Variants in FOXK1 observed in about 807,000 individuals in gnomAD.
The protein encoded by FOXK1 is forkhead box protein K1.
In FOXK1, 19 loss-of-function variants were observed where a neutral mutation model predicts 51.9. That is an observed-to-expected ratio of 0.37 (90% confidence interval 0.26 to 0.54). The LOEUF is 0.54. Ranked by LOEUF, FOXK1 falls within the 20% of genes least tolerant of loss-of-function variation. The pLI, the probability that FOXK1 is intolerant of heterozygous loss-of-function variation, is 0.87. For synonymous variants in FOXK1, 537 were observed against 482.6 expected, an observed-to-expected ratio of 1.11 and a Z score of -1.48; for missense variants, 870 against 1,032.7, an observed-to-expected ratio of 0.84 and a Z score of 2.16.
Position 4,722,980 on chromosome 7 carries a change from C to T in FOXK1, c.561-17858C>T, listed in dbSNP as rs1192183599. On this transcript the variant is annotated intron_variant, in intron 1 of 8. Coordinates refer to ENST00000328914, the MANE Select transcript of FOXK1 (RefSeq NM_001037165.2). The surrounding 1 kb of genome is among the most constrained non-coding windows in gnomAD (Gnocchi z 5.1). Reference sequence around the variant, plus strand: ...AACCCCCAGGAGCAGGTGGCCGACGCAGGCACCCTCAGATCTGAGATCCAG... The same window carrying T: ...AACCCCCAGGAGCAGGTGGCCGACGTAGGCACCCTCAGATCTGAGATCCAG... Among the ~76,000 whole-genome samples, 1 of 152,096 alleles carries T rather than the reference C, an allele frequency of 6.6e-6. No homozygotes were observed. Among genetic ancestry groups the T allele is most frequent in the Non-Finnish European group, 1.5e-5 (1 of 68,018 alleles).
In FOXK1 at chr7:4,707,000, C is replaced by T. The variant is rs1485016883; in HGVS notation, c.560+24132C>T. ...CCTTGTGCAGGAAATAACTTACCTACTTCATGCCCTAATTGAATTCCATTG... is the reference window on the plus strand; with the variant it reads ...CCTTGTGCAGGAAATAACTTACCTATTTCATGCCCTAATTGAATTCCATTG... On this transcript the variant is annotated intron_variant, in intron 1 of 8. Coordinates refer to ENST00000328914, the MANE Select transcript of FOXK1 (RefSeq NM_001037165.2). Among the ~76,000 whole-genome samples the T allele has an allele frequency of 3.3e-5, 5 of 152,246 alleles. No homozygotes were observed. The East Asian group carries it at 5.8e-4, about 18-fold the overall frequency.
chr7:4,702,167 C>T (rs1447172024), intron 1 of FOXK1, among the ~76,000 whole-genome samples: 1 of 152,098 alleles, frequency 6.6e-6, no homozygotes, highest in Non-Finnish European at 1.5e-5. Context: ...GTTTTTAAGC[C>T]CTTTTTAAAG....
In FOXK1 at chr7:4,755,067, C is replaced by G; in HGVS notation, c.904-170C>G. 5.3e-6 allele frequency: 4 copies of G among 759,794 alleles called. No individual in the cohort carries two copies. Among genetic ancestry groups the G allele is most frequent in the Non-Finnish European group, 8.1e-6 (4 of 492,684 alleles). The allele number at this position is 759,794 out of a possible 1,614,324, so 47.1% of individuals were successfully genotyped here. On this transcript the variant is annotated intron_variant, in intron 3 of 8. Transcript: ENST00000328914. This position sits in a 1 kb window ranked among gnomAD's most constrained non-coding sequence, Gnocchi z 6.6. ...TTCCCATGAGGCAAAAATGGTTGTT[C>G]CTAGTTGAATGCAAGCACATTAATG...
intron 1 of FOXK1, among the ~76,000 whole-genome samples, chr7:4,739,474 A>G (rs573394597): frequency 5.9e-5 from 9 of 152,276 alleles, no homozygotes; most frequent in African/African-American, 2.2e-4. Context: ...TTGCTGCCTC[A>G]TCAGTTTAGA....
At chr7:4,705,240 G>A (rs1175563366) in intron 1 of FOXK1, among the ~76,000 whole-genome samples, 2 of 150,894 alleles carry the variant, frequency 1.3e-5, no homozygotes, top group African/African-American at 4.9e-5. Context: ...CCAGGCTGGG[G>A]GCAGTGGCAT....
In FOXK1 at chr7:4,683,027, C is replaced by T. The variant is rs373778141; in HGVS notation, c.560+159C>T. 2.3e-5 allele frequency among the ~76,000 whole-genome samples: 3 copies of T among 133,196 alleles called. No individual in the cohort carries two copies. Among genetic ancestry groups the T allele is most frequent in the East Asian group, 5.4e-4 (2 of 3,680 alleles). The allele number at this position is 133,196 out of a possible 152,430, so 87.4% of individuals were successfully genotyped here. On this transcript the variant is annotated intron_variant, in intron 1 of 8. Coordinates refer to ENST00000328914, the MANE Select transcript of FOXK1 (RefSeq NM_001037165.2). The surrounding 1 kb of genome is among the most constrained non-coding windows in gnomAD (Gnocchi z 4.5). ...CCCCGACCGGCCTGGACTCCGGGGT[C>T]AACCCCGACCCCCGCCTCCTGGCTC...
rs10280630 is a variant in FOXK1 at position 4,762,844 on chromosome 7, G to A, written c.*380G>A. The A allele has an allele frequency of 0.016, 3,269 of 203,876 alleles. 128 individuals carry two copies. Among genetic ancestry groups the A allele is most frequent in the African/African-American group, 0.071 (3,073 of 43,012 alleles). The allele number at this position is 203,876 out of a possible 1,614,324, so 12.6% of individuals were successfully genotyped here. ...GCTGCACGGCCAGCCGCCTTTGTCC[G>A]GGAGGACAGACAGAAACGCAGCAAG... On this transcript the variant is annotated 3_prime_UTR_variant, in exon 9 of 9. Coordinates refer to ENST00000328914, the MANE Select transcript of FOXK1 (RefSeq NM_001037165.2). The surrounding 1 kb of genome is among the most constrained non-coding windows in gnomAD (Gnocchi z 5.7).
intron 1 of FOXK1, among the ~76,000 whole-genome samples, chr7:4,700,879 C>T (rs568651784): frequency 5.4e-4 from 82 of 152,348 alleles, no homozygotes; most frequent in African/African-American, 1.9e-3. Context: ...GATAGATAAA[C>T]ATCCCACATA....
At position 4,711,763 on chromosome 7, in the gene FOXK1, G is replaced by A. The variant is rs1001028648; in HGVS notation, c.560+28895G>A. ...ACCAGGCTGGGCTCAGCCACAAGTC[G>A]GCAACGTAGTGCCTCCAGGGCAGAT... On this transcript the variant is annotated intron_variant, in intron 1 of 8. Coordinates refer to ENST00000328914, the MANE Select transcript of FOXK1 (RefSeq NM_001037165.2). The surrounding 1 kb of genome is among the most constrained non-coding windows in gnomAD (Gnocchi z 6.3). 6.6e-6 allele frequency among the ~76,000 whole-genome samples: 1 copy of A among 152,208 alleles called. No individual in the cohort carries two copies. The highest frequency in any genetic ancestry group is 6.5e-5 in the Admixed American group (1 of 15,290).
At chr7:4,720,180 C>T (rs1780290439) in intron 1 of FOXK1, among the ~76,000 whole-genome samples, 1 of 152,186 alleles carries the variant, frequency 6.6e-6, no homozygotes, top group South Asian at 2.1e-4. Flanking sequence ...GGTTGAGTTT[C>T]TTCGGGTTCA....
At position 4,715,659 on chromosome 7, in the gene FOXK1, G is replaced by A. The variant is rs1323928551; in HGVS notation, c.561-25179G>A. Among the ~76,000 whole-genome samples, 1 of 152,196 alleles carries A rather than the reference G, an allele frequency of 6.6e-6. No individual in the cohort carries two copies. Among genetic ancestry groups the A allele is most frequent in the Non-Finnish European group, 1.5e-5 (1 of 68,040 alleles). On this transcript the variant is annotated intron_variant, in intron 1 of 8. Coordinates refer to ENST00000328914, the MANE Select transcript of FOXK1 (RefSeq NM_001037165.2). The surrounding 1 kb of genome is among the most constrained non-coding windows in gnomAD (Gnocchi z 4.5). ...GCGGCCATCCCTTTTGTTCCCTGCT[G>A]TGACTGACTGGCAGGAACCTGGGCT...
chr7:4,705,955 T>C (rs1286818045), intron 1 of FOXK1, among the ~76,000 whole-genome samples: 2 of 127,170 alleles, frequency 1.6e-5, no homozygotes, highest in Non-Finnish European at 3.1e-5. Context: ...ATTATATATA[T>C]ATATGTATAT....
rs1195539133 is a variant in FOXK1 at position 4,707,728 on chromosome 7, A to C, written c.560+24860A>C. On this transcript the variant is annotated intron_variant, in intron 1 of 8. Transcript: ENST00000328914. This position sits in a 1 kb window ranked among gnomAD's most constrained non-coding sequence, Gnocchi z 4.1. ...GAGACGGACTCTCTCTCCGTTGCCC[A>C]GGCTGGAGTGCAGTGGCACGATCGT... 6.7e-6 allele frequency among the ~76,000 whole-genome samples: 1 copy of C among 149,634 alleles called. No individual in the cohort carries two copies. The highest frequency in any genetic ancestry group is 1.5e-5 in the Non-Finnish European group (1 of 67,742).
chr7:4,685,513 C>T (rs1779808048), intron 1 of FOXK1, among the ~76,000 whole-genome samples: 2 of 150,534 alleles, frequency 1.3e-5, no homozygotes, highest in Admixed American at 6.6e-5. Context: ...TGAGCCCCTG[C>T]GCCCGGCCTC....
At chr7:4,700,908 T>G (rs1780013137) in intron 1 of FOXK1, among the ~76,000 whole-genome samples, 1 of 152,206 alleles carries the variant, frequency 6.6e-6, no homozygotes, top group African/African-American at 2.4e-5. Context: ...TGTGCTGCCA[T>G]CATCGCTGCT....
intron 1 of FOXK1, among the ~76,000 whole-genome samples, chr7:4,691,841 T>C (rs1779895511): frequency 6.6e-6 from 1 of 152,194 alleles, no homozygotes; most frequent in Non-Finnish European, 1.5e-5. Flanking sequence ...GACCCTGTTA[T>C]TATGAAGCTG....
At chr7:4,685,868 G>A (rs1156860539) in intron 1 of FOXK1, among the ~76,000 whole-genome samples, 3 of 151,770 alleles carry the variant, frequency 2.0e-5, no homozygotes, top group Admixed American at 6.6e-5. Flanking sequence ...GCTTGAACCC[G>A]GGAGGTGGAG....
chr7:4,753,361 G>A lies in FOXK1; in HGVS notation c.747-1098G>A, dbSNP rs968851964. Among the ~76,000 whole-genome samples the A allele has an allele frequency of 6.6e-6, 1 of 152,144 alleles. No individual in the cohort carries two copies. The highest frequency in any genetic ancestry group is 1.5e-5 in the Non-Finnish European group (1 of 68,020). On this transcript the variant is annotated intron_variant, in intron 2 of 8. Coordinates refer to ENST00000328914, the MANE Select transcript of FOXK1 (RefSeq NM_001037165.2). This position sits in a 1 kb window ranked among gnomAD's most constrained non-coding sequence, Gnocchi z 4.9. ...GTTAGGGAAGGATGTTCCTGGCAGAGGAAAGGGCAGCAAGGCGGGAGGAGG... is the reference window on the plus strand; with the variant it reads ...GTTAGGGAAGGATGTTCCTGGCAGAAGAAAGGGCAGCAAGGCGGGAGGAGG...
At position 4,724,421 on chromosome 7, in the gene FOXK1, C is replaced by G. The variant is rs559861341; in HGVS notation, c.561-16417C>G. 5.6e-4 allele frequency among the ~76,000 whole-genome samples: 85 copies of G among 152,298 alleles called. No homozygotes were observed. In the South Asian group the frequency reaches 0.017, roughly 31 times the overall value. On this transcript the variant is annotated intron_variant, in intron 1 of 8. Transcript: ENST00000328914. ...ATGTTGGCCAGGGTGGTCTCGAACT[C>G]CTGTTCTCAAGTGATCTGCGTGCCT...
Sources: gnomAD v4.1 joint callset for allele counts (sites outside exome capture counted in the v4.1 genomes callset) on GRCh38, gnomAD v4.1.1 for gene constraint, Gnocchi (gnomAD v3.1) non-coding constraint, MANE v1.5 for transcripts, NCBI Gene and HGNC (gene_info 2026-07-23, HGNC 2026-07-21) for gene names.